MAPK4: variants seen among roughly 807,000 people sequenced by gnomAD.
MAPK4 encodes Erk3-related.
MAPK4 carries 22 observed loss-of-function variants against 47.7 expected under a neutral mutation model. The observed-to-expected ratio is 0.46, with a 90% CI of 0.33 to 0.66. The LOEUF is 0.66. Among genes scored for constraint, MAPK4 ranks in the 30% least tolerant of loss-of-function variants. The pLI, the probability that MAPK4 is intolerant of heterozygous loss-of-function variation, is 0.02. For missense variants in MAPK4, 736 were observed against 831.7 expected (o/e 0.88, Z 1.42); for synonymous variants, 390 against 365.7 (o/e 1.07, Z -0.76).
chr18:50,592,461 C>G (rs748009009), intron 1 of MAPK4, among the ~76,000 whole-genome samples: 42 of 152,270 alleles, frequency 2.8e-4, no homozygotes, highest in Non-Finnish European at 4.9e-4. Context: ...ATAAGAGAAT[C>G]AAAGACACTA....
chr18:50,691,463 G>A (rs1235634578), intron 2 of MAPK4, among the ~76,000 whole-genome samples: 1 of 152,194 alleles, frequency 6.6e-6, no homozygotes, highest in African/African-American at 2.4e-5. Flanking sequence ...ATGCTCAGTT[G>A]AAATTTGACA....
chr18:50,633,162 G>A (rs2042848331), intron 1 of MAPK4, among the ~76,000 whole-genome samples: 1 of 152,206 alleles, frequency 6.6e-6, no homozygotes, highest in Non-Finnish European at 1.5e-5. Flanking sequence ...CCTCTGCTGA[G>A]GGGAACAGCT....
chr18:50,598,634 A>T (rs1275086723), intron 1 of MAPK4, among the ~76,000 whole-genome samples: 1 of 152,154 alleles, frequency 6.6e-6, no homozygotes, highest in Non-Finnish European at 1.5e-5. Context: ...TCCCTTCTTT[A>T]CAACTAAACT....
intron 2 of MAPK4, among the ~76,000 whole-genome samples, chr18:50,687,356 G>A (rs938071950): frequency 1.3e-5 from 2 of 152,148 alleles, no homozygotes; most frequent in African/African-American, 2.4e-5. Context: ...ATCCTTGGCC[G>A]CTACTTACTA....
intron 2 of MAPK4, among the ~76,000 whole-genome samples, chr18:50,700,527 A>G (rs1310191700): frequency 1.3e-5 from 2 of 152,184 alleles, no homozygotes; most frequent in East Asian, 3.9e-4. Flanking sequence ...AGTGACGCAA[A>G]CATCAGCACT....
intron 1 of MAPK4, among the ~76,000 whole-genome samples, chr18:50,627,076 A>G (rs61397291): frequency 0.47 from 63,215 of 133,208 alleles, 14,355 homozygotes; most frequent in Middle Eastern, 0.59. Flanking sequence ...TCTTGGCCAC[A>G]TGGCCTCCAT....
intron 3 of MAPK4, among the ~76,000 whole-genome samples, chr18:50,717,444 C>G (rs1339076338): frequency 6.6e-6 from 1 of 152,094 alleles, no homozygotes; most frequent in Non-Finnish European, 1.5e-5. Context: ...CATTGGTAGG[C>G]CTAGGCTCCT....
chr18:50,574,406 T>A (rs1223572599), intron 1 of MAPK4, among the ~76,000 whole-genome samples: 1 of 152,174 alleles, frequency 6.6e-6, no homozygotes, highest in East Asian at 1.9e-4. Flanking sequence ...CACATGTTGT[T>A]TGAGTTGGAA....
intron 1 of MAPK4, among the ~76,000 whole-genome samples, chr18:50,617,120 C>G (rs2042691636): frequency 6.6e-6 from 1 of 152,166 alleles, no homozygotes. Context: ...ATGGAGGACC[C>G]TTTGATGAGG....
chr18:50,727,927 GT>G (rs1189595278), intron 5 of MAPK4, among the ~76,000 whole-genome samples: 1 of 152,182 alleles, frequency 6.6e-6, no homozygotes, highest in African/African-American at 2.4e-5. Context: ...GCAGCCAAGG[GT>G]CAGCGTCTTC....
intron 1 of MAPK4, among the ~76,000 whole-genome samples, chr18:50,602,285 C>G (rs190777720): frequency 7.9e-5 from 12 of 152,300 alleles, no homozygotes; most frequent in Admixed American, 6.5e-4. Context: ...CTCTGCTTCC[C>G]CTTCGCCTCC....
chr18:50,599,879 T>C (rs1180565795), intron 1 of MAPK4, among the ~76,000 whole-genome samples: 1 of 152,194 alleles, frequency 6.6e-6, no homozygotes, highest in African/African-American at 2.4e-5. Context: ...GAGAAATGTG[T>C]TTGTGAAAAT....
At chr18:50,723,835 A>C (rs1181844422) in intron 4 of MAPK4, among the ~76,000 whole-genome samples, 1 of 150,150 alleles carries the variant, frequency 6.7e-6, no homozygotes, top group African/African-American at 2.5e-5. Flanking sequence ...CTGTACTCCA[A>C]CCTGGATGGC....
chr18:50,719,859 G>A (rs1286071777), intron 3 of MAPK4, among the ~76,000 whole-genome samples: 3 of 152,186 alleles, frequency 2.0e-5, no homozygotes, highest in Non-Finnish European at 4.4e-5. Flanking sequence ...AGGTTCTCAT[G>A]CAGAAGTGTC....
intron 1 of MAPK4, among the ~76,000 whole-genome samples, chr18:50,607,610 A>G (rs753360420): frequency 6.6e-6 from 1 of 152,206 alleles, no homozygotes; most frequent in Admixed American, 6.5e-5. Flanking sequence ...GAATTGGGTT[A>G]CCAGTTCTGA....
chr18:50,689,022 G>A (rs963215801), intron 2 of MAPK4, among the ~76,000 whole-genome samples: 16 of 151,680 alleles, frequency 1.1e-4, no homozygotes. Context: ...ACTTTGGGAG[G>A]CTGAGGCGGG....
At chr18:50,719,063 G>A (rs1446825323) in intron 3 of MAPK4, among the ~76,000 whole-genome samples, 2 of 127,346 alleles carry the variant, frequency 1.6e-5, no homozygotes, top group African/African-American at 3.1e-5. Context: ...CAGCCTGGGC[G>A]ACAGAGCAAG....
At chr18:50,710,546 G>A (rs1218504593) in intron 2 of MAPK4, among the ~76,000 whole-genome samples, 1 of 152,024 alleles carries the variant, frequency 6.6e-6, no homozygotes, top group African/African-American at 2.4e-5. Context: ...GGGAGGCCGA[G>A]GTGGACAGAT....
At chr18:50,687,491 T>C (rs1908949855) in intron 2 of MAPK4, among the ~76,000 whole-genome samples, 1 of 152,208 alleles carries the variant, frequency 6.6e-6, no homozygotes. Context: ...AGTAGCTCAC[T>C]CAGTTTGCGA....
Sources: allele counts gnomAD v4.1 joint callset (sites outside exome capture counted in the v4.1 genomes callset), GRCh38; gene constraint gnomAD v4.1.1; transcripts MANE v1.5; gene names NCBI Gene and HGNC (gene_info 2026-07-23, HGNC 2026-07-21).